Variants in TUSC3 observed in about 807,000 individuals in gnomAD.
TUSC3 encodes the protein tumor suppressor candidate 3, also known as dolichyl-diphosphooligosaccharide--protein glycosyltransferase subunit TUSC3.
A neutral mutation model predicts 44.8 loss-of-function variants in TUSC3; 45 were observed. The observed-to-expected ratio is 1.00, with a 90% confidence interval of 0.79 to 1.29. The LOEUF (loss-of-function observed/expected upper bound fraction) is 1.29. Among genes scored for constraint, TUSC3 ranks in the 50% most tolerant of loss-of-function variants. TUSC3 has a pLI of 0.00. For missense variants in TUSC3, 519 were observed against 437.9 expected (o/e 1.19, Z -1.65); for synonymous variants, 212 against 152.9 (o/e 1.39, Z -2.85).
intron 1 of TUSC3, among the ~76,000 whole-genome samples, chr8:15,572,324 T>A (rs1802908724): frequency 6.6e-6 from 1 of 152,156 alleles, no homozygotes; most frequent in Non-Finnish European, 1.5e-5. Context: ...TGAACCAACC[T>A]CTGCCAGCTT....
At chr8:15,506,156 T>A (rs1801047666) in intron 2 of TUSC3, among the ~76,000 whole-genome samples, 1 of 152,154 alleles carries the variant, frequency 6.6e-6, no homozygotes, top group African/African-American at 2.4e-5. Flanking sequence ...CAGTATATTA[T>A]CTGCTGGGGC....
At chr8:15,806,962 A>C in the TUSC3 span, 1 of 1,467,382 alleles carries the variant, frequency 6.8e-7, no homozygotes, top group Admixed American at 1.7e-5. Flanking sequence ...GTGTTCATCA[A>C]TCTCCAGGAA....
At position 15,613,146 on chromosome 8, in the gene TUSC3, T is replaced by C. The variant is rs1804835069; in HGVS notation, c.139-9934T>C. On this transcript the variant is annotated intron_variant, in intron 1 of 10. Transcript: ENST00000503731. ...ATGGACACTTTTTAGTGCTAGAGTT[T>C]ATTTGCCTTAAGGGCTTGAGAGTAG... Among the ~76,000 whole-genome samples, 4 of 150,672 alleles carry C rather than the reference T, an allele frequency of 2.7e-5. No homozygotes were observed. In the Admixed American group the frequency reaches 2.7e-4, roughly 10 times the overall value.
chr8:15,433,577 C>G (rs575170436), intron 1 of TUSC3, among the ~76,000 whole-genome samples: 6 of 151,982 alleles, frequency 3.9e-5, no homozygotes, highest in African/African-American at 9.7e-5. Context: ...CGTATACACA[C>G]ACATACACAC....
intron 2 of TUSC3, among the ~76,000 whole-genome samples, chr8:15,629,359 T>A (rs1805656047): frequency 6.6e-6 from 1 of 152,152 alleles, no homozygotes. Flanking sequence ...AGGAGAGCTC[T>A]GTAATCCATA....
chr8:15,539,156 T>C (rs1026501747), upstream of TUSC3, among the ~76,000 whole-genome samples: 4 of 151,864 alleles, frequency 2.6e-5, no homozygotes, highest in African/African-American at 9.7e-5. Flanking sequence ...GCTAATACTA[T>C]GTATTTAATT....
chr8:15,701,481 C>G (rs73665481), intron 6 of TUSC3, among the ~76,000 whole-genome samples: 1 of 151,958 alleles, frequency 6.6e-6, no homozygotes, highest in South Asian at 2.1e-4. Flanking sequence ...AATAGTGTTT[C>G]AGGAAGGAAG....
chr8:15,760,743 C>A (rs1191380755), intron 10 of TUSC3, among the ~76,000 whole-genome samples: 6 of 152,134 alleles, frequency 3.9e-5, no homozygotes, highest in Admixed American at 2.6e-4. Context: ...AGACCCATGG[C>A]CCACAAAGTT....
At chr8:15,780,841 A>G in the TUSC3 span, among the ~76,000 whole-genome samples, 6 of 152,234 alleles carry the variant, frequency 3.9e-5, no homozygotes, top group Non-Finnish European at 7.4e-5. Flanking sequence ...GGAAACTGAG[A>G]ATATGTAAGT....
At chr8:15,673,667 TG>T in intron 5 of TUSC3, 79 bp from the exon 6 acceptor site, 1 of 1,182,774 alleles carries the variant, frequency 8.5e-7, no homozygotes, top group Non-Finnish European at 1.3e-6. Flanking sequence ...GATACTTTCA[TG>T]ATGACCATTG....
chr8:15,441,445 CTA>C, intron 1 of TUSC3, among the ~76,000 whole-genome samples: 1 of 152,080 alleles, frequency 6.6e-6, no homozygotes, highest in Admixed American at 6.6e-5. Flanking sequence ...CATTATATTC[CTA>C]TAAAAATAAT....
At chr8:15,782,019 C>A in the TUSC3 span, among the ~76,000 whole-genome samples, 27 of 152,138 alleles carry the variant, frequency 1.8e-4, no homozygotes, top group Non-Finnish European at 3.4e-4. Context: ...CTATAAATCC[C>A]AGCTACTTGG....
intron 2 of TUSC3, among the ~76,000 whole-genome samples, chr8:15,518,949 C>T (rs1801257335): frequency 6.6e-6 from 1 of 152,130 alleles, no homozygotes; most frequent in Non-Finnish European, 1.5e-5. Flanking sequence ...CATGATTCTA[C>T]AAGTCTAAAC....
chr8:15,725,850 T>C (rs766473738), intron 6 of TUSC3, among the ~76,000 whole-genome samples: 12 of 152,194 alleles, frequency 7.9e-5, no homozygotes, highest in South Asian at 4.1e-4. Flanking sequence ...CTACATTGTT[T>C]CCTTCATGCT....
intron 2 of TUSC3, among the ~76,000 whole-genome samples, chr8:15,523,722 A>ATG (rs1327184833): frequency 6.0e-5 from 8 of 133,784 alleles, no homozygotes; most frequent in Middle Eastern, 3.5e-3. Context: ...ATATATATAT[A>ATG]TATAAAGTAG....
chr8:15,724,537 G>C lies in TUSC3; in HGVS notation c.799-6129G>C, dbSNP rs564122350. On this transcript the variant is annotated intron_variant, in intron 6 of 10. Transcript: ENST00000503731. ...ATACAAGATTTTTTCCCTCTGTTTC[G>C]TTTTTAGGTTGACAGTAAATTATCA... Among the ~76,000 whole-genome samples, 10 of 152,172 alleles carry C rather than the reference G, an allele frequency of 6.6e-5. No individual in the cohort carries two copies. The South Asian group carries it at 1.5e-3, about 22-fold the overall frequency.
chr8:15,682,851 G>T (rs1433343099), intron 6 of TUSC3, among the ~76,000 whole-genome samples: 2 of 151,294 alleles, frequency 1.3e-5, no homozygotes, highest in Non-Finnish European at 2.9e-5. Flanking sequence ...CAGTCTTGTG[G>T]TAATGAATTC....
At chr8:15,833,062 G>A in the TUSC3 span, among the ~76,000 whole-genome samples, 291 of 152,144 alleles carry the variant, frequency 1.9e-3, 1 homozygote, top group Non-Finnish European at 3.3e-3. Flanking sequence ...ATGAACAGAC[G>A]CTTTTCAAAA....
chr8:15,852,082 G>A, the TUSC3 span, among the ~76,000 whole-genome samples: 5,138 of 152,046 alleles, frequency 0.034, 142 homozygotes, highest in Non-Finnish European at 0.051. Flanking sequence ...CCTCTTTTTC[G>A]TTATAAATTA....
Sources: allele counts gnomAD v4.1 joint callset (sites outside exome capture counted in the v4.1 genomes callset), GRCh38; gene constraint gnomAD v4.1.1; transcripts MANE v1.5; gene names NCBI Gene and HGNC (gene_info 2026-07-23, HGNC 2026-07-21).